PDE4D: variants seen among roughly 807,000 people sequenced by gnomAD.
PDE4D encodes the protein phosphodiesterase 4D, also known as 3',5'-cyclic-AMP phosphodiesterase 4D.
PDE4D carries 24 observed loss-of-function variants against 87.4 expected under a neutral mutation model. The ratio of observed to expected loss-of-function variants is 0.27; its 90% confidence interval spans 0.20 to 0.39. PDE4D has a LOEUF of 0.39. PDE4D is among the 10% of genes least tolerant of loss of function. The probability of loss-of-function intolerance (pLI) is 1.00; values close to 1 mark genes in which losing one functional copy is unlikely to be tolerated. For missense variants in PDE4D, 714 were observed against 1,041.0 expected, an observed-to-expected ratio of 0.69 and a Z score of 4.32; for synonymous variants, 384 against 383.2, an observed-to-expected ratio of 1.00 and a Z score of -0.02.
At chr5:60,309,563 A>G (rs1754818896) in intron 1 of PDE4D, among the ~76,000 whole-genome samples, 1 of 152,196 alleles carries the variant, frequency 6.6e-6, no homozygotes. Flanking sequence ...ATCATTTTCA[A>G]CCAGTTCTCT....
At chr5:59,360,933 A>C (rs1271535636) in intron 1 of PDE4D, among the ~76,000 whole-genome samples, 6 of 152,212 alleles carry the variant, frequency 3.9e-5, no homozygotes, top group Non-Finnish European at 8.8e-5. Flanking sequence ...TTAAAGAGCT[A>C]AAATCAGGAT....
intron 2 of PDE4D, among the ~76,000 whole-genome samples, chr5:60,027,798 C>T (rs1026388442): frequency 2.0e-5 from 3 of 152,192 alleles, no homozygotes; most frequent in Admixed American, 2.0e-4. Context: ...GTGACTACAT[C>T]ATGCAGTGGA....
chr5:59,819,954 A>C (rs1225052590), intron 1 of PDE4D, among the ~76,000 whole-genome samples: 1 of 152,184 alleles, frequency 6.6e-6, no homozygotes, highest in African/African-American at 2.4e-5. Context: ...CCATGCATTC[A>C]TTTTCTGCTA....
intron 1 of PDE4D, chr5:59,586,459 G>A: frequency 6.8e-7 from 1 of 1,473,556 alleles, no homozygotes; most frequent in Non-Finnish European, 9.0e-7. Flanking sequence ...CAACTCTCTT[G>A]TTTGAGCAGC....
chr5:60,204,401 C>T (rs1408798008), intron 1 of PDE4D, among the ~76,000 whole-genome samples: 1 of 152,132 alleles, frequency 6.6e-6, no homozygotes, highest in Non-Finnish European at 1.5e-5. Context: ...AATCCTATTT[C>T]CAATCGGAAG....
At chr5:59,861,077 G>A (rs1293875588) in intron 1 of PDE4D, among the ~76,000 whole-genome samples, 2 of 150,070 alleles carry the variant, frequency 1.3e-5, no homozygotes, top group Non-Finnish European at 3.0e-5. Flanking sequence ...CGCCATGTTG[G>A]CCAGGCTGGT....
At chr5:59,569,840 CA>C (rs1821531041) in intron 1 of PDE4D, among the ~76,000 whole-genome samples, 1 of 152,088 alleles carries the variant, frequency 6.6e-6, no homozygotes, top group African/African-American at 2.4e-5. Context: ...GTCTGCAGCC[CA>C]AAAGGAAGCA....
Position 60,316,701 on chromosome 5 carries a change from C to T in PDE4D, c.-89-131014G>A, listed in dbSNP as rs879689610. ...TATTGAGAGTTTTTAGCATGAAGGG[C>T]TGTTGAATTTTGTCAAAGGCCTTTT... On this transcript the variant is annotated intron_variant, in intron 1 of 16. Coordinates refer to the PDE4D transcript ENST00000502484. Among the ~76,000 whole-genome samples, 133 of 151,960 alleles carry T rather than the reference C, an allele frequency of 8.8e-4. 1 individual carries two copies. The highest frequency in any genetic ancestry group is 1.6e-3 in the Non-Finnish European group (107 of 67,990).
At chr5:59,375,730 A>G (rs244583) in intron 1 of PDE4D, among the ~76,000 whole-genome samples, 38,979 of 152,028 alleles carry the variant, frequency 0.26, 5,589 homozygotes, top group East Asian at 0.39. Context: ...GTAGAAATAT[A>G]ACAAAAATTT....
chr5:59,477,969 C>G (rs887378304), intron 1 of PDE4D, among the ~76,000 whole-genome samples: 1 of 152,036 alleles, frequency 6.6e-6, no homozygotes, highest in Non-Finnish European at 1.5e-5. Context: ...CACGCTCTCA[C>G]TTGTAAGTGG....
rs76687670 is a variant in PDE4D, at chr5:60,247,955, A to T, written c.-89-62268T>A. On this transcript the variant is annotated intron_variant, in intron 1 of 16. Transcript: ENST00000502484. The stretch of plus-strand genomic sequence containing the variant: ...TTCAATCATAGTATAGAAGAAATAC[A>T]AATAATAAACAAATTAATAAATATA... 5.2e-3 allele frequency among the ~76,000 whole-genome samples: 789 copies of T among 152,192 alleles called. 7 individuals are homozygous for T. Among genetic ancestry groups the T allele is most frequent in the African/African-American group, 0.018 (738 of 41,544 alleles).
chr5:60,085,754 TA>T (rs1198247566), intron 2 of PDE4D, among the ~76,000 whole-genome samples: 3 of 152,228 alleles, frequency 2.0e-5, no homozygotes, highest in Admixed American at 2.0e-4. Context: ...TTTCATCATT[TA>T]TTGTTGTTAT....
chr5:59,046,419 A>AGTGT (rs751262478), intron 5 of PDE4D, among the ~76,000 whole-genome samples: 3 of 129,610 alleles, frequency 2.3e-5, no homozygotes, highest in African/African-American at 9.4e-5. Flanking sequence ...AGAGAGAGAG[A>AGTGT]ATGTGTGTGT....
At chr5:59,386,537 G>A (rs59574560) in intron 1 of PDE4D, among the ~76,000 whole-genome samples, 19,694 of 93,254 alleles carry the variant, frequency 0.21, 3,883 homozygotes, top group African/African-American at 0.51. Context: ...ACTTGGGCCT[G>A]GGCATGGTGG....
At chr5:60,239,084 A>T (rs1746772619) in intron 1 of PDE4D, among the ~76,000 whole-genome samples, 1 of 152,096 alleles carries the variant, frequency 6.6e-6, no homozygotes. Context: ...TTTTCTTCTA[A>T]AAAACATAAA....
chr5:60,473,879 C>A (rs1026091361), intron 1 of PDE4D, among the ~76,000 whole-genome samples: 1 of 150,396 alleles, frequency 6.6e-6, no homozygotes, highest in African/African-American at 2.5e-5. Flanking sequence ...CCGCCCGCCG[C>A]ATTATTCTGC....
At chr5:59,935,925 ATG>A (rs1756516742) in intron 3 of PDE4D, among the ~76,000 whole-genome samples, 1 of 152,216 alleles carries the variant, frequency 6.6e-6, no homozygotes, top group African/African-American at 2.4e-5. Flanking sequence ...ATACCTGTGC[ATG>A]TGTCTTTATA....
At chr5:59,230,858 AG>A (rs1755017490) in intron 1 of PDE4D, among the ~76,000 whole-genome samples, 1 of 152,146 alleles carries the variant, frequency 6.6e-6, no homozygotes, top group Non-Finnish European at 1.5e-5. Flanking sequence ...AGGGCTTCAG[AG>A]GGTTGTGTGG....
intron 1 of PDE4D, among the ~76,000 whole-genome samples, chr5:59,518,933 T>C (rs1811681530): frequency 6.6e-6 from 1 of 152,228 alleles, no homozygotes; most frequent in Non-Finnish European, 1.5e-5. Flanking sequence ...TCTATCCAGA[T>C]AATGTTGCCT....
Sources: gnomAD v4.1 joint callset for allele counts (sites outside exome capture counted in the v4.1 genomes callset) on GRCh38, gnomAD v4.1.1 for gene constraint, MANE v1.5 for transcripts, NCBI Gene and HGNC (gene_info 2026-07-23, HGNC 2026-07-21) for gene names.